The following GFRA3 variants were observed in gnomAD, a reference collection of about 807,000 sequenced individuals.
GFRA3 encodes GDNF family receptor alpha-3.
GFRA3 carries 24 observed loss-of-function variants against 40.0 expected under a neutral mutation model. That is an observed-to-expected ratio of 0.60 (90% CI 0.43 to 0.84). GFRA3 has a LOEUF of 0.84. Ranked by LOEUF, GFRA3 falls within the 40% of genes least tolerant of loss-of-function variation. The pLI, the probability that GFRA3 is intolerant of heterozygous loss-of-function variation, is 0.00. For synonymous variants in GFRA3, 203 were observed against 213.5 expected (o/e 0.95, Z 0.43); for missense variants, 405 against 530.6 (o/e 0.76, Z 2.33).
chr5:138,254,183 CTTTCT>C, intron 4 of GFRA3, 23 bp from the exon 5 acceptor site: 1 of 1,220,054 alleles, frequency 8.2e-7, no homozygotes. Flanking sequence ...AAATTTCTGT[CTTTCT>C]TTTTTTTTTT....
At chr5:138,268,627 A>G (rs1268597921) in intron 1 of GFRA3, among the ~76,000 whole-genome samples, 1 of 152,184 alleles carries the variant, frequency 6.6e-6, no homozygotes, top group Non-Finnish European at 1.5e-5. Flanking sequence ...GCAGTGGCTC[A>G]TGCCCGTAAT....
At chr5:138,255,095 GAGGA>G (rs1755608711) in intron 4 of GFRA3, among the ~76,000 whole-genome samples, 1 of 150,882 alleles carries the variant, frequency 6.6e-6, no homozygotes, top group Non-Finnish European at 1.5e-5. Flanking sequence ...GAGAAAGAGA[GAGGA>G]AGGAAAGAAG....
chr5:138,262,643 G>A (rs985248637), intron 2 of GFRA3, among the ~76,000 whole-genome samples: 2 of 152,022 alleles, frequency 1.3e-5, no homozygotes, highest in African/African-American at 2.4e-5. Flanking sequence ...TTGTAGTGAT[G>A]GGAGCTCGCT....
chr5:138,272,474 C>A, intron 1 of GFRA3, among the ~76,000 whole-genome samples: 1 of 148,598 alleles, frequency 6.7e-6, no homozygotes, highest in African/African-American at 2.5e-5. Flanking sequence ...AAAAACCCGT[C>A]TCTACAAAAA....
intron 1 of GFRA3, among the ~76,000 whole-genome samples, chr5:138,269,536 GA>G (rs1209867001): frequency 1.0e-3 from 128 of 122,776 alleles, no homozygotes; most frequent in East Asian, 7.3e-3. Flanking sequence ...AACTCTGTCT[GA>G]AAAAAAAAAA....
intron 1 of GFRA3, among the ~76,000 whole-genome samples, chr5:138,265,420 A>G (rs7716154): frequency 0.36 from 54,820 of 151,616 alleles, 10,307 homozygotes; most frequent in South Asian, 0.45. Flanking sequence ...GTTTCTCCAT[A>G]TTGGTCAGGC....
rs146309340 is a variant in GFRA3, at chr5:138,257,872, C to T, written c.552G>A (p.Glu184=). 1,431 of 1,613,984 alleles carry T rather than the reference C, an allele frequency of 8.9e-4. 5 individuals are homozygous for T. The Middle Eastern group carries it at 0.016, about 18-fold the overall frequency. The change falls in exon 4 of 8, where the codon GAG becomes GAA. Residue 184 remains glutamate (E), a synonymous_variant. Coordinates refer to ENST00000274721, the MANE Select transcript of GFRA3 (RefSeq NM_001496.4). ...KCDRLRKAYG[E]ACSGPHCQRH... ...GCTGGCAGTGGGGCCCGGAGCACGC[C>T]TCCCCGTAGGCCTTGCGCAGCCGGT...
intron 1 of GFRA3, among the ~76,000 whole-genome samples, chr5:138,272,389 C>T (rs1755889344): frequency 6.7e-6 from 1 of 149,420 alleles, no homozygotes; most frequent in African/African-American, 2.5e-5. Flanking sequence ...CCTTTAATTG[C>T]AGCACTTTGG....
Position 138,253,353 on chromosome 5 carries a change from C to A in GFRA3, c.1047G>T (p.Met349Ile). Reference protein sequence around the residue: ...PCLTEAIAAKMRFHSQLFSQD... With the variant: ...PCLTEAIAAKIRFHSQLFSQD... ...GGGAGAAGAGTTGGCTGTGAAAACGCATCTTAGCTGCAATGGCCTCCGCTG... is the reference window on the plus strand; with the variant it reads ...GGGAGAAGAGTTGGCTGTGAAAACGAATCTTAGCTGCAATGGCCTCCGCTG... Residue 349 changes from methionine to isoleucine, a missense_variant, in exon 7 of 8, where the codon ATG becomes ATT. Met to Ile is a conservative substitution (Grantham distance 10, BLOSUM62 1). Transcript: ENST00000274721. The A allele has an allele frequency of 6.2e-7, 1 of 1,601,760 alleles. No homozygotes were observed. Among genetic ancestry groups the A allele is most frequent in the Non-Finnish European group, 8.5e-7 (1 of 1,173,354 alleles).
At chr5:138,271,553 G>A (rs370327589) in intron 1 of GFRA3, among the ~76,000 whole-genome samples, 76 of 151,926 alleles carry the variant, frequency 5.0e-4, no homozygotes, top group African/African-American at 8.9e-4. Flanking sequence ...GCATAGTTCC[G>A]TTCCTTTCTT....
At chr5:138,271,908 TTTTTTTG>T (rs1478533379) in intron 1 of GFRA3, among the ~76,000 whole-genome samples, 3 of 123,962 alleles carry the variant, frequency 2.4e-5, no homozygotes, top group East Asian at 2.4e-4. Flanking sequence ...TTTTTTTTTT[TTTTTTTG>T]TGTGTGTGTG....
intron 4 of GFRA3, among the ~76,000 whole-genome samples, chr5:138,257,269 CAT>C (rs1755645457): frequency 6.6e-6 from 1 of 152,092 alleles, no homozygotes; most frequent in African/African-American, 2.4e-5. Context: ...GCTCATGAGA[CAT>C]GTGCCGTAAG....
intron 6 of GFRA3, 131 bp from the exon 7 acceptor site, chr5:138,253,506 G>A (rs1755581085): frequency 1.4e-6 from 1 of 711,088 alleles, no homozygotes; most frequent in Non-Finnish European, 2.6e-6. Context: ...GTGGAAGTGG[G>A]ATACTCTCTC....
chr5:138,253,086 CAG>C (rs1755572497), intron 7 of GFRA3, 29 bp from the exon 8 acceptor site: 2 of 1,307,516 alleles, frequency 1.5e-6, no homozygotes, highest in Non-Finnish European at 2.2e-6. Flanking sequence ...GGAGTTAGCT[CAG>C]GGGATTTTCT....
intron 2 of GFRA3, among the ~76,000 whole-genome samples, chr5:138,261,728 A>C (rs976126624): frequency 6.6e-6 from 1 of 151,370 alleles, no homozygotes; most frequent in Non-Finnish European, 1.5e-5. Context: ...GAAGAAGAAG[A>C]AGAAATGCCA....
intron 4 of GFRA3, among the ~76,000 whole-genome samples, chr5:138,255,712 A>G (rs1755616254): frequency 6.6e-6 from 1 of 152,078 alleles, no homozygotes; most frequent in African/African-American, 2.4e-5. Context: ...TGGCCTGGCC[A>G]ACATGGCAAA....
rs188471691 is a variant in GFRA3, at chr5:138,272,634, C to A, written c.91+1700G>T. Reference sequence around the variant, plus strand: ...CTCCAGCCTGGGTGACAGATTGATACCCTGTCTCAAAAAAAAAATCAGATT... The same window carrying A: ...CTCCAGCCTGGGTGACAGATTGATAACCTGTCTCAAAAAAAAAATCAGATT... On this transcript the variant is annotated intron_variant, in intron 1 of 7. Transcript: ENST00000274721. 1.9e-3 allele frequency among the ~76,000 whole-genome samples: 252 copies of A among 134,908 alleles called. 2 individuals are homozygous for A. Among genetic ancestry groups the A allele is most frequent in the African/African-American group, 6.1e-3 (244 of 40,070 alleles). The allele number at this position is 134,908 out of a possible 152,430, so 88.5% of individuals were successfully genotyped here.
At chr5:138,260,036 G>A (rs1755688712) in intron 2 of GFRA3, among the ~76,000 whole-genome samples, 1 of 152,148 alleles carries the variant, frequency 6.6e-6, no homozygotes, top group African/African-American at 2.4e-5. Context: ...AGGATGAGGA[G>A]TAGAAAACAG....
chr5:138,262,731 G>C (rs1370795933), intron 2 of GFRA3, among the ~76,000 whole-genome samples: 1 of 152,068 alleles, frequency 6.6e-6, no homozygotes, highest in African/African-American at 2.4e-5. Flanking sequence ...TGAAGTTACA[G>C]GTGTGAGCCA....
Sources: allele counts gnomAD v4.1 joint callset (sites outside exome capture counted in the v4.1 genomes callset), GRCh38; gene constraint gnomAD v4.1.1; transcripts MANE v1.5; gene names NCBI Gene and HGNC (gene_info 2026-07-23, HGNC 2026-07-21).